KANK1: variants seen among roughly 807,000 people sequenced by gnomAD.
The protein encoded by KANK1 is KN motif and ankyrin repeat domains 1, also known as KN motif and ankyrin repeat domain-containing protein 1.
A neutral mutation model predicts 106.2 loss-of-function variants in KANK1; 109 were observed. That is an observed-to-expected ratio of 1.03 (90% CI 0.88 to 1.20). The LOEUF is 1.20. Among genes scored for constraint, KANK1 ranks in the 50% most tolerant of loss-of-function variants. The pLI is 0.00. For missense variants in KANK1, 2,399 were observed against 1,710.7 expected (o/e 1.40, Z -7.10); for synonymous variants, 873 against 652.2 (o/e 1.34, Z -5.16).
At chr9:674,904 C>T (rs1307402323) in intron 1 of KANK1, among the ~76,000 whole-genome samples, 1 of 152,070 alleles carries the variant, frequency 6.6e-6, no homozygotes, top group African/African-American at 2.4e-5. Flanking sequence ...GAGGTTTTGC[C>T]ATGTTGGCCA....
At chr9:657,904 A>T (rs1191842694) in intron 1 of KANK1, among the ~76,000 whole-genome samples, 1 of 152,106 alleles carries the variant, frequency 6.6e-6, no homozygotes, top group East Asian at 1.9e-4. Context: ...TGGGGGTGGT[A>T]TAGGCTCTCC....
At chr9:551,192 C>T (rs76882344) in intron 1 of KANK1, among the ~76,000 whole-genome samples, 1 of 151,294 alleles carries the variant, frequency 6.6e-6, no homozygotes, top group Non-Finnish European at 1.5e-5. Flanking sequence ...TGGGGCTTTT[C>T]GCAGTTACAA....
intron 1 of KANK1, among the ~76,000 whole-genome samples, chr9:584,737 C>A (rs1204187659): frequency 6.6e-6 from 1 of 152,214 alleles, no homozygotes; most frequent in Non-Finnish European, 1.5e-5. Flanking sequence ...TTGCAGTCAA[C>A]TGTCAGTTAT....
At chr9:561,286 T>C (rs1816365750) in intron 1 of KANK1, among the ~76,000 whole-genome samples, 1 of 152,238 alleles carries the variant, frequency 6.6e-6, no homozygotes, top group South Asian at 2.1e-4. Flanking sequence ...AAAATGGATA[T>C]CATATACTAT....
rs1338341091 is a variant in KANK1 at position 625,829 on chromosome 9, T to C, written c.-83-51061T>C. Among the ~76,000 whole-genome samples the C allele has an allele frequency of 2.0e-5, 3 of 152,172 alleles. No homozygotes were observed. The East Asian group carries it at 5.8e-4, about 29-fold the overall frequency. On this transcript the variant is annotated intron_variant, in intron 1 of 11. Coordinates refer to ENST00000382297, the MANE Select transcript of KANK1 (RefSeq NM_015158.5). Reference sequence around the variant, plus strand: ...TGTGTACTTAAAGTCTGTGACAGTTTAGCCTCTTTCTAGGCTGCCCATATC... The same window carrying C: ...TGTGTACTTAAAGTCTGTGACAGTTCAGCCTCTTTCTAGGCTGCCCATATC...
At chr9:714,330 A>G (rs12684909) in intron 3 of KANK1, among the ~76,000 whole-genome samples, 8,916 of 151,072 alleles carry the variant, frequency 0.059, 644 homozygotes, top group East Asian at 0.21. Context: ...GAGGTGGTCA[A>G]ACTTGGAGAG....
chr9:553,335 A>G (rs2061390279), intron 1 of KANK1, among the ~76,000 whole-genome samples: 1 of 152,166 alleles, frequency 6.6e-6, no homozygotes, highest in African/African-American at 2.4e-5. Flanking sequence ...ATTGAGGGCT[A>G]CTTTGTGCCA....
intron 1 of KANK1, among the ~76,000 whole-genome samples, chr9:567,115 CT>C (rs976585473): frequency 3.3e-5 from 5 of 152,256 alleles, no homozygotes; most frequent in Admixed American, 3.3e-4. Context: ...TTCCCCATTG[CT>C]TGTTTTTGTC....
chr9:586,817 C>G (rs1263312812), intron 1 of KANK1, among the ~76,000 whole-genome samples: 1 of 152,090 alleles, frequency 6.6e-6, no homozygotes, highest in East Asian at 1.9e-4. Flanking sequence ...GCAAAAGGGA[C>G]TCTTTGCATG....
chr9:680,427 C>T (rs16922492), intron 2 of KANK1, among the ~76,000 whole-genome samples: 24,238 of 152,122 alleles, frequency 0.16, 2,774 homozygotes, highest in East Asian at 0.33. Flanking sequence ...GCTTTTAAAA[C>T]GAGCTATTCA....
intron 3 of KANK1, among the ~76,000 whole-genome samples, chr9:488,739 C>A (rs12337866): frequency 6.6e-6 from 1 of 152,116 alleles, no homozygotes; most frequent in African/African-American, 2.4e-5. Context: ...AGGATTCACT[C>A]TTACTGCTGC....
chr9:732,259 G>A lies in KANK1; in HGVS notation c.3006-119G>A, dbSNP rs577696201. ...ACCTTACTTTGAACTTCTAAGTGCAGGATCTAAAACCACTAGTGAAATTTC... is the reference window on the plus strand; with the variant it reads ...ACCTTACTTTGAACTTCTAAGTGCAAGATCTAAAACCACTAGTGAAATTTC... On this transcript the variant is annotated intron_variant, in intron 5 of 11. Transcript: ENST00000382297. The A allele has an allele frequency of 3.7e-5, 45 of 1,231,534 alleles. No homozygotes were observed. The South Asian group carries it at 6.6e-4, about 18-fold the overall frequency. 76.3% of individuals were successfully genotyped at this position (1,231,534 alleles called of 1,614,324 possible). A position where few individuals can be genotyped will look rare whatever the true frequency, so the allele number is the denominator to read the frequency against.
chr9:614,223 A>C (rs1463395446), intron 1 of KANK1, among the ~76,000 whole-genome samples: 1 of 152,124 alleles, frequency 6.6e-6, no homozygotes, highest in Non-Finnish European at 1.5e-5. Flanking sequence ...AAGGTACAAA[A>C]GTGTGTTTAG....
At chr9:720,297 C>T (rs181698419) in intron 3 of KANK1, among the ~76,000 whole-genome samples, 6 of 152,322 alleles carry the variant, frequency 3.9e-5, no homozygotes, top group African/African-American at 1.4e-4. Flanking sequence ...AGCATCTAGA[C>T]CAGAGTGCCA....
At chr9:659,072 T>C (rs1842760607) in intron 1 of KANK1, among the ~76,000 whole-genome samples, 1 of 152,234 alleles carries the variant, frequency 6.6e-6, no homozygotes, top group African/African-American at 2.4e-5. Flanking sequence ...TGTGCACATA[T>C]AGTTCGTGCC....
rs2058506116 is a variant in KANK1, at chr9:499,129, G to GATCAC, written c.-362+25858_-362+25862dup. 3.4e-5 allele frequency among the ~76,000 whole-genome samples: 5 copies of GATCAC among 147,786 alleles called. No individual in the cohort carries two copies. In the Admixed American group the frequency reaches 3.4e-4, roughly 10 times the overall value. Reference sequence around the variant, plus strand: ...GGAGGCGGAGCTTGCAGTGAGCCGAGATCACACCACTGCACTCCAACCTGG... The same window carrying GATCAC: ...GGAGGCGGAGCTTGCAGTGAGCCGAGATCACATCACACCACTGCACTCCAACCTGG... On this transcript the variant is annotated intron_variant, in intron 3 of 15. Coordinates refer to the KANK1 transcript ENST00000382303.
intron 1 of KANK1, among the ~76,000 whole-genome samples, chr9:562,526 C>T (rs1002263887): frequency 6.6e-6 from 1 of 152,134 alleles, no homozygotes; most frequent in Non-Finnish European, 1.5e-5. Flanking sequence ...TGGTGTAGTG[C>T]ACTGAGATTA....
chr9:638,881 C>T (rs959157068), intron 1 of KANK1, among the ~76,000 whole-genome samples: 1 of 152,222 alleles, frequency 6.6e-6, no homozygotes, highest in Non-Finnish European at 1.5e-5. Context: ...AAAAGGGCAT[C>T]AGCAATGTCG....
rs1816530091 is a variant in KANK1 at position 676,901 on chromosome 9, T to C, written c.-72T>C. ...CTTTATTGTTTCAGGTTGAATGCCT[T>C]TGAGAACTTGATGCATAAAATTTGC... On this transcript the variant is annotated 5_prime_UTR_variant, in exon 2 of 12. Coordinates refer to ENST00000382297, the MANE Select transcript of KANK1 (RefSeq NM_015158.5). 2 of 1,260,752 alleles carry C rather than the reference T, an allele frequency of 1.6e-6. No homozygotes were observed. Among genetic ancestry groups the C allele is most frequent in the African/African-American group, 1.5e-5 (1 of 66,378 alleles). The allele number at this position is 1,260,752 out of a possible 1,614,324, so 78.1% of individuals were successfully genotyped here. A position where few individuals can be genotyped will look rare whatever the true frequency, so the allele number is the denominator to read the frequency against.
Sources: allele counts gnomAD v4.1 joint callset (sites outside exome capture counted in the v4.1 genomes callset), GRCh38; gene constraint gnomAD v4.1.1; transcripts MANE v1.5; gene names NCBI Gene and HGNC (gene_info 2026-07-23, HGNC 2026-07-21).